RNF43: variants seen among roughly 807,000 people sequenced by gnomAD.
The protein encoded by RNF43 is ring finger protein 43, also known as E3 ubiquitin-protein ligase RNF43.
Under a neutral mutation model 78.4 loss-of-function variants are expected in RNF43, and 37 were observed. The ratio of observed to expected loss-of-function variants is 0.47; its 90% CI spans 0.36 to 0.62. The LOEUF is 0.62. RNF43 is among the 20% of genes least tolerant of loss of function. The pLI is 0.00. For missense variants in RNF43, 774 were observed against 1,007.9 expected (o/e 0.77, Z 3.14); for synonymous variants, 347 against 395.0 (o/e 0.88, Z 1.44).
intron 3 of RNF43, among the ~76,000 whole-genome samples, chr17:58,367,592 A>C (rs1239897880): frequency 6.6e-6 from 1 of 152,192 alleles, no homozygotes; most frequent in Non-Finnish European, 1.5e-5. Context: ...TCCTTCTAGC[A>C]GGCAAAAGGC....
chr17:58,415,290 C>A (rs958664506), intron 2 of RNF43, 36 bp downstream of exon 2: 1 of 1,608,514 alleles, frequency 6.2e-7, no homozygotes, highest in Non-Finnish European at 8.5e-7. Context: ...ATATTTCAAA[C>A]AGATGGAAAG....
chr17:58,410,151 C>T (rs923797519), intron 2 of RNF43, among the ~76,000 whole-genome samples: 14 of 152,008 alleles, frequency 9.2e-5, no homozygotes, highest in Non-Finnish European at 2.9e-5. Flanking sequence ...TTGTTGGATA[C>T]AAATTTTTGT....
intron 2 of RNF43, among the ~76,000 whole-genome samples, chr17:58,387,239 C>G (rs1973457714): frequency 6.6e-6 from 1 of 152,124 alleles, no homozygotes; most frequent in Non-Finnish European, 1.5e-5. Context: ...AAGGAATTGT[C>G]TGGACCCTGT....
At chr17:58,355,184 A>C (rs1004980441) in intron 9 of RNF43, among the ~76,000 whole-genome samples, 198 bp from the exon 10 acceptor site, 1 of 152,226 alleles carries the variant, frequency 6.6e-6, no homozygotes, top group African/African-American at 2.4e-5. Flanking sequence ...CTAAAGAAAT[A>C]TATATAGCAA....
At chr17:58,379,652 ACCCCACACTCTGCCTGGCATCTTT>A (rs1481612935) in intron 2 of RNF43, among the ~76,000 whole-genome samples, 1 of 152,006 alleles carries the variant, frequency 6.6e-6, no homozygotes, top group East Asian at 1.9e-4. Context: ...GGTTCTCCTG[ACCCCACACTCTGCCTGGCATCTTT>A]CTATGGTGAT....
chr17:58,394,542 T>G (rs997597362), intron 2 of RNF43, among the ~76,000 whole-genome samples: 4 of 152,250 alleles, frequency 2.6e-5, no homozygotes, highest in East Asian at 1.9e-4. Context: ...AGAAACCAGA[T>G]AGTTGAACAA....
intron 3 of RNF43, among the ~76,000 whole-genome samples, chr17:58,364,138 C>T (rs1404420399): frequency 1.3e-5 from 2 of 152,218 alleles, no homozygotes; most frequent in Non-Finnish European, 2.9e-5. Context: ...ACGCCACTCT[C>T]ACGCAAGGCC....
chr17:58,352,527 G>C (rs1972577643), downstream of RNF43: 1 of 227,166 alleles, frequency 4.4e-6, no homozygotes, highest in African/African-American at 2.2e-5. Context: ...CGTCGGTCCT[G>C]TTCCCCGATG....
rs574732892 is a variant in RNF43 at position 58,391,911 on chromosome 17, C to A, written c.253-20878G>T. ...GAGAGGGTCAAGGTCAGTACTGGGG[C>A]CAGGAGAACCAGATTCCTTTTGAAG... On this transcript the variant is annotated intron_variant, in intron 2 of 9. Coordinates refer to ENST00000407977, the MANE Select transcript of RNF43 (RefSeq NM_017763.6). 2.8e-4 allele frequency among the ~76,000 whole-genome samples: 42 copies of A among 152,212 alleles called. 1 individual carries two copies. The Middle Eastern group carries it at 0.017, about 62-fold the overall frequency.
At chr17:58,356,404 G>C (rs2143373668) in intron 9 of RNF43, among the ~76,000 whole-genome samples, 1 of 152,288 alleles carries the variant, frequency 6.6e-6, no homozygotes, top group Middle Eastern at 3.4e-3. Flanking sequence ...CCATACAATG[G>C]GGGAAGATGG....
At chr17:58,379,134 G>A (rs540272120) in intron 2 of RNF43, among the ~76,000 whole-genome samples, 1 of 152,272 alleles carries the variant, frequency 6.6e-6, no homozygotes, top group East Asian at 1.9e-4. Context: ...ACTGCCTCCG[G>A]GTATGCACGC....
intron 3 of RNF43, among the ~76,000 whole-genome samples, chr17:58,368,157 G>A: frequency 6.6e-6 from 1 of 152,200 alleles, no homozygotes; most frequent in Admixed American, 6.5e-5. Flanking sequence ...AAAAGCCAAA[G>A]CAGAGAGCAG....
intron 6 of RNF43, among the ~76,000 whole-genome samples, chr17:58,361,461 A>G (rs1972832845): frequency 6.6e-6 from 1 of 152,200 alleles, no homozygotes. Context: ...CACCATTTTA[A>G]CTGCCGCCTT....
intron 3 of RNF43, among the ~76,000 whole-genome samples, chr17:58,367,122 T>C (rs1397274985): frequency 1.3e-5 from 2 of 151,682 alleles, no homozygotes; most frequent in African/African-American, 4.9e-5. Flanking sequence ...TGTCTCAGCC[T>C]CCTCAGTAGC....
intron 6 of RNF43, among the ~76,000 whole-genome samples, chr17:58,362,105 ACAAAC>A (rs1193848851): frequency 9.1e-5 from 13 of 142,536 alleles, no homozygotes; most frequent in Non-Finnish European, 1.6e-4. Flanking sequence ...AAACAAACAA[ACAAAC>A]AAAAAAAAAC....
chr17:58,403,635 T>C (rs1973849662), intron 2 of RNF43, among the ~76,000 whole-genome samples: 2 of 152,078 alleles, frequency 1.3e-5, no homozygotes, highest in Non-Finnish European at 2.9e-5. Flanking sequence ...TTTCCAACTC[T>C]GGGAATACAC....
chr17:58,396,920 T>C (rs1034213305), intron 2 of RNF43, among the ~76,000 whole-genome samples: 10 of 152,186 alleles, frequency 6.6e-5, no homozygotes, highest in Admixed American at 4.6e-4. Flanking sequence ...CTGGTTGGTA[T>C]GACATACACA....
chr17:58,381,436 A>G (rs1973316037), intron 2 of RNF43, among the ~76,000 whole-genome samples: 1 of 152,224 alleles, frequency 6.6e-6, no homozygotes, highest in South Asian at 2.1e-4. Flanking sequence ...ATGATTTGCC[A>G]GCAAAGAACA....
rs561079165 is a variant in RNF43 at position 58,412,702 on chromosome 17, A to G, written c.252+2624T>C. ...AAGAAAAAATTAAAATCATAATACA[A>G]ATGAAAATTCAGTCAGTTTGGTCCT... is the stretch of plus-strand genomic sequence containing the variant. On this transcript the variant is annotated intron_variant, in intron 2 of 9. Coordinates refer to ENST00000407977, the MANE Select transcript of RNF43 (RefSeq NM_017763.6). 1.2e-4 allele frequency among the ~76,000 whole-genome samples: 19 copies of G among 152,236 alleles called. 1 individual carries two copies. Among genetic ancestry groups the G allele is most frequent in the East Asian group, 5.8e-4 (3 of 5,182 alleles).
Sources: allele counts gnomAD v4.1 joint callset (sites outside exome capture counted in the v4.1 genomes callset), GRCh38; gene constraint gnomAD v4.1.1; transcripts MANE v1.5; gene names NCBI Gene and HGNC (gene_info 2026-07-23, HGNC 2026-07-21).